WIPF3: variants seen among roughly 807,000 people sequenced by gnomAD.
WIPF3 encodes the protein WAS/WASL-interacting protein family member 3.
A neutral mutation model predicts 38.9 loss-of-function variants in WIPF3; 33 were observed. That is an observed-to-expected ratio of 0.85 (90% confidence interval 0.64 to 1.14). WIPF3 has a LOEUF of 1.14. Ranked by LOEUF, WIPF3 falls within the 50% of genes most tolerant of loss-of-function variation. WIPF3 has a pLI of 0.00. For synonymous variants in WIPF3, 324 were observed against 269.3 expected, an observed-to-expected ratio of 1.20 and a Z score of -1.99; for missense variants, 711 against 652.5, an observed-to-expected ratio of 1.09 and a Z score of -0.98.
At chr7:29,894,146 C>G (rs777729311) in intron 7 of WIPF3, among the ~76,000 whole-genome samples, 9 of 152,272 alleles carry the variant, frequency 5.9e-5, no homozygotes, top group Non-Finnish European at 1.0e-4. Context: ...CCTCTTTCTG[C>G]TCTTCAGTCT....
intron 7 of WIPF3, 72 bp from the exon 8 acceptor site, chr7:29,904,214 A>C: frequency 1.4e-6 from 2 of 1,476,978 alleles, no homozygotes; most frequent in Non-Finnish European, 1.9e-6. Context: ...GATTTAGAGA[A>C]AGTTTCTCTG....
chr7:29,830,469 A>G (rs1784699974), intron 1 of WIPF3, among the ~76,000 whole-genome samples: 1 of 151,948 alleles, frequency 6.6e-6, no homozygotes, highest in South Asian at 2.1e-4. Context: ...AAAATACAAA[A>G]ATTAGCCAGG....
In WIPF3 at chr7:29,806,555, C is replaced by T. The variant is rs1784280782; in HGVS notation, c.-181C>T. 6.6e-6 allele frequency: 1 copy of T among 151,286 alleles called. No homozygotes were observed. Among genetic ancestry groups the T allele is most frequent in the East Asian group, 1.9e-4 (1 of 5,144 alleles). The allele number at this position is 151,286 out of a possible 1,614,324, so 9.4% of individuals were successfully genotyped here. A position where few individuals can be genotyped will look rare whatever the true frequency, so the allele number is the denominator to read the frequency against. On this transcript the variant is annotated 5_prime_UTR_variant, in exon 1 of 9. Transcript: ENST00000242140. ...CGAGCCGGGCGCACCGAGCGCAGCTCGGCGGTAGCGGCGCCGCTTGGAGCA... is the reference window on the plus strand; with the variant it reads ...CGAGCCGGGCGCACCGAGCGCAGCTTGGCGGTAGCGGCGCCGCTTGGAGCA...
intron 2 of WIPF3, among the ~76,000 whole-genome samples, chr7:29,860,682 G>T (rs2128070524): frequency 1.3e-5 from 2 of 152,288 alleles, no homozygotes; most frequent in Non-Finnish European, 2.9e-5. Flanking sequence ...CGCTAAGATT[G>T]GAGCCATAGT....
At chr7:29,880,997 C>T (rs1230981604) in intron 4 of WIPF3, among the ~76,000 whole-genome samples, 2 of 152,162 alleles carry the variant, frequency 1.3e-5, no homozygotes, top group Non-Finnish European at 2.9e-5. Flanking sequence ...TTGCTGCTCT[C>T]ACACACCAGC....
At chr7:29,835,058 T>A (rs2128065473) in intron 2 of WIPF3, among the ~76,000 whole-genome samples, 2 of 151,940 alleles carry the variant, frequency 1.3e-5, no homozygotes, top group Middle Eastern at 6.8e-3. Context: ...CTACCTCATT[T>A]CTCTTCTCAT....
rs1784564912 is a variant in WIPF3, at chr7:29,823,001, A to T, written c.-57-11667A>T. 6.6e-6 allele frequency among the ~76,000 whole-genome samples: 1 copy of T among 152,218 alleles called. No homozygotes were observed. The highest frequency in any genetic ancestry group is 1.5e-5 in the Non-Finnish European group (1 of 68,042). ...CTTACTTTAAAAAATTACATTTGGA[A>T]AAACTTTGTTTTTTGGACAGGATCA... On this transcript the variant is annotated intron_variant, in intron 1 of 8. Coordinates refer to ENST00000242140, the MANE Select transcript of WIPF3 (RefSeq NM_001080529.3). This position sits in a 1 kb window ranked among gnomAD's most constrained non-coding sequence, Gnocchi z 4.0.
intron 7 of WIPF3, among the ~76,000 whole-genome samples, chr7:29,894,283 T>C (rs915553105): frequency 2.0e-5 from 3 of 152,278 alleles, no homozygotes; most frequent in African/African-American, 7.2e-5. Context: ...CTACACCCCC[T>C]CACTGCACAC....
intron 7 of WIPF3, among the ~76,000 whole-genome samples, chr7:29,903,896 T>C (rs552731232): frequency 6.6e-6 from 1 of 152,310 alleles, no homozygotes; most frequent in East Asian, 1.9e-4. Context: ...ACAGCACACT[T>C]GAGAGAATGA....
At chr7:29,872,960 AAC>A (rs1785526028) in intron 2 of WIPF3, among the ~76,000 whole-genome samples, 1 of 152,096 alleles carries the variant, frequency 6.6e-6, no homozygotes, top group Non-Finnish European at 1.5e-5. Context: ...CGTGTAAGTA[AAC>A]ACACTGTGAC....
chr7:29,903,200 G>A (rs1052676698), intron 7 of WIPF3, among the ~76,000 whole-genome samples: 1 of 152,060 alleles, frequency 6.6e-6, no homozygotes, highest in African/African-American at 2.4e-5. Flanking sequence ...AGGCTGAGGT[G>A]GAAGGATCAC....
At chr7:29,883,029 G>T (rs565136421) in intron 4 of WIPF3, among the ~76,000 whole-genome samples, 1 of 152,342 alleles carries the variant, frequency 6.6e-6, no homozygotes, top group African/African-American at 2.4e-5. Context: ...AAAGGTGCAA[G>T]GCTGTGCGGA....
intron 1 of WIPF3, among the ~76,000 whole-genome samples, chr7:29,812,406 G>A (rs1445421288): frequency 6.6e-6 from 1 of 152,142 alleles, no homozygotes; most frequent in Non-Finnish European, 1.5e-5. Context: ...CCATCTTCCT[G>A]CTTCACCACA....
At chr7:29,875,774 A>G (rs1260913052) in intron 2 of WIPF3, 56 bp from the exon 3 acceptor site, 1 of 1,589,358 alleles carries the variant, frequency 6.3e-7, no homozygotes, top group Non-Finnish European at 8.6e-7. Context: ...AGCAGACAGG[A>G]CATTTTGCTT....
At chr7:29,807,427 C>T (rs1380215363) in intron 1 of WIPF3, among the ~76,000 whole-genome samples, 1 of 152,200 alleles carries the variant, frequency 6.6e-6, no homozygotes, top group Middle Eastern at 3.2e-3. Flanking sequence ...TCCCCCAGCC[C>T]CTGACACGCA....
chr7:29,875,140 T>C (rs1785564061), intron 2 of WIPF3, among the ~76,000 whole-genome samples: 1 of 152,098 alleles, frequency 6.6e-6, no homozygotes, highest in African/African-American at 2.4e-5. Flanking sequence ...GCATTCCCTT[T>C]CTCCACAACT....
intron 2 of WIPF3, among the ~76,000 whole-genome samples, chr7:29,838,976 C>CA (rs1309462607): frequency 2.0e-5 from 3 of 151,924 alleles, no homozygotes; most frequent in South Asian, 2.1e-4. Flanking sequence ...TATAAAGCTC[C>CA]AAAACAGAAA....
intron 2 of WIPF3, among the ~76,000 whole-genome samples, chr7:29,845,538 A>G (rs983714061): frequency 3.3e-5 from 5 of 152,226 alleles, no homozygotes; most frequent in Admixed American, 3.3e-4. Context: ...TTTGTACCAT[A>G]TGTTGCCTCT....
At chr7:29,814,140 C>T (rs533731859) in intron 1 of WIPF3, among the ~76,000 whole-genome samples, 4 of 152,210 alleles carry the variant, frequency 2.6e-5, no homozygotes, top group South Asian at 2.1e-4. Context: ...AGGCTGGTCT[C>T]GAACTCCTAG....
Sources: gnomAD v4.1 joint callset for allele counts (sites outside exome capture counted in the v4.1 genomes callset) on GRCh38, gnomAD v4.1.1 for gene constraint, Gnocchi (gnomAD v3.1) non-coding constraint, MANE v1.5 for transcripts, NCBI Gene and HGNC (gene_info 2026-07-23, HGNC 2026-07-21) for gene names.